Variants in ASTN1 observed in about 807,000 individuals in gnomAD.
The protein encoded by ASTN1 is astrotactin 1.
Under a neutral mutation model 140.7 loss-of-function variants are expected in ASTN1, and 41 were observed. That is an observed-to-expected ratio of 0.29 (90% CI 0.23 to 0.38). The LOEUF (loss-of-function observed/expected upper bound fraction) is 0.38, where lower values mean the gene tolerates loss of function less well. Ranked by LOEUF, ASTN1 falls within the 10% of genes least tolerant of loss-of-function variation. ASTN1 has a pLI of 1.00. For synonymous variants in ASTN1, 640 were observed against 652.2 expected, an observed-to-expected ratio of 0.98 and a Z score of 0.29; for missense variants, 1,479 against 1,678.8, an observed-to-expected ratio of 0.88 and a Z score of 2.08.
intron 1 of ASTN1, among the ~76,000 whole-genome samples, chr1:177,154,571 T>C (rs1442309212): frequency 2.0e-5 from 3 of 152,128 alleles, no homozygotes; most frequent in African/African-American, 7.2e-5. Context: ...TAGTGCTGAG[T>C]GAAAAGAGTA....
chr1:176,933,576 A>G (rs1389668933), intron 16 of ASTN1, among the ~76,000 whole-genome samples: 2 of 152,234 alleles, frequency 1.3e-5, no homozygotes, highest in Admixed American at 6.5e-5. Context: ...CTTGAACTGA[A>G]TACTAACTTG....
chr1:177,060,793 G>A (rs1678044530), intron 2 of ASTN1, among the ~76,000 whole-genome samples: 1 of 152,188 alleles, frequency 6.6e-6, no homozygotes, highest in Non-Finnish European at 1.5e-5. Flanking sequence ...GAGTCACTGT[G>A]CCTGGCTGCC....
intron 1 of ASTN1, among the ~76,000 whole-genome samples, chr1:177,149,154 T>C (rs1682865646): frequency 8.3e-6 from 1 of 120,926 alleles, no homozygotes; most frequent in Non-Finnish European, 1.6e-5. Context: ...AGTGCATATA[T>C]ATAGTGTATA....
At position 177,045,416 on chromosome 1, in the gene ASTN1, C is replaced by T. The variant is rs539828274; in HGVS notation, c.472-12567G>A. Reference sequence around the variant, plus strand: ...GGTTGACAAAACACAAACAGCATTACGTTCACACTATTGGTCAGTTCAGAC... The same window carrying T: ...GGTTGACAAAACACAAACAGCATTATGTTCACACTATTGGTCAGTTCAGAC... On this transcript the variant is annotated intron_variant, in intron 2 of 22. Transcript: ENST00000361833. 6.8e-4 allele frequency among the ~76,000 whole-genome samples: 104 copies of T among 152,292 alleles called. 1 individual carries two copies. The South Asian group carries it at 0.02, about 30-fold the overall frequency.
At chr1:176,979,584 C>G (rs776932383) in intron 8 of ASTN1, among the ~76,000 whole-genome samples, 2 of 152,212 alleles carry the variant, frequency 1.3e-5, no homozygotes, top group Non-Finnish European at 1.5e-5. Flanking sequence ...TCAGTGACTC[C>G]CTTGCCAGAG....
chr1:177,113,178 G>A (rs1680904745), intron 1 of ASTN1, among the ~76,000 whole-genome samples: 1 of 152,074 alleles, frequency 6.6e-6, no homozygotes, highest in South Asian at 2.1e-4. Context: ...AGGCACGGGG[G>A]CAGTCAATTC....
intron 15 of ASTN1, 196 bp downstream of exon 15, chr1:176,936,070 T>C (rs1202660949): frequency 1.5e-6 from 1 of 660,392 alleles, no homozygotes; most frequent in Non-Finnish European, 2.8e-6. Flanking sequence ...ACACATGCAA[T>C]GTAATCTCTA....
chr1:176,864,668 T>G (rs1156482313), intron 22 of ASTN1, 147 bp from the exon 23 acceptor site: 3 of 1,116,058 alleles, frequency 2.7e-6, no homozygotes. Context: ...CTTGGAACAG[T>G]GAGTCCTCCA....
intron 1 of ASTN1, among the ~76,000 whole-genome samples, chr1:177,163,718 T>C (rs1647525826): frequency 6.6e-6 from 1 of 152,178 alleles, no homozygotes; most frequent in South Asian, 2.1e-4. Flanking sequence ...GTATAATATC[T>C]TTAACCAACT....
chr1:176,949,424 C>T, intron 11 of ASTN1, 73 bp from the exon 12 acceptor site: 1 of 1,466,190 alleles, frequency 6.8e-7, no homozygotes, highest in Non-Finnish European at 9.2e-7. Context: ...TGAGTGTAAC[C>T]ACTGACACCA....
At chr1:177,130,519 CG>C (rs1188890378) in intron 1 of ASTN1, among the ~76,000 whole-genome samples, 1 of 152,122 alleles carries the variant, frequency 6.6e-6, no homozygotes, top group African/African-American at 2.4e-5. Context: ...AGAAAAATAC[CG>C]TGCTTCACCT....
At chr1:176,898,773 C>G (rs1227037191) in intron 16 of ASTN1, among the ~76,000 whole-genome samples, 2 of 152,182 alleles carry the variant, frequency 1.3e-5, no homozygotes, top group East Asian at 3.9e-4. Flanking sequence ...CTGCCCACAC[C>G]TATTACAGTT....
intron 8 of ASTN1, among the ~76,000 whole-genome samples, chr1:176,970,648 A>G (rs1486874012): frequency 6.6e-6 from 1 of 152,124 alleles, no homozygotes; most frequent in Non-Finnish European, 1.5e-5. Context: ...AAAGCAAGAA[A>G]GAAGGAAAGT....
At position 176,937,302 on chromosome 1, in the gene ASTN1, T is replaced by C. The variant is rs1369224681; in HGVS notation, c.2378-932A>G. ...TTTACCAGAAGGAACAGTATCAGGGTGACTAAATCATTAAGGGGCAGGAAC... is the reference window on the plus strand; with the variant it reads ...TTTACCAGAAGGAACAGTATCAGGGCGACTAAATCATTAAGGGGCAGGAAC... On this transcript the variant is annotated intron_variant, in intron 14 of 22. Transcript: ENST00000361833. Among the ~76,000 whole-genome samples, 6 of 152,194 alleles carry C rather than the reference T, an allele frequency of 3.9e-5. No homozygotes were observed. The East Asian group carries it at 1.2e-3, about 29-fold the overall frequency.
intron 2 of ASTN1, among the ~76,000 whole-genome samples, chr1:177,040,499 C>T (rs1676923405): frequency 6.6e-6 from 1 of 152,156 alleles, no homozygotes; most frequent in African/African-American, 2.4e-5. Flanking sequence ...AGGATATTCC[C>T]CCAACTCTGT....
At chr1:177,164,303 G>A (rs968879589) in intron 1 of ASTN1, 91 bp downstream of exon 1, 19 of 1,337,680 alleles carry the variant, frequency 1.4e-5, no homozygotes, top group Middle Eastern at 1.9e-4. Context: ...AGGGGAGGTC[G>A]TCGGCGAGTG....
intron 8 of ASTN1, among the ~76,000 whole-genome samples, chr1:176,998,593 A>C (rs1674567229): frequency 6.6e-6 from 1 of 152,174 alleles, no homozygotes; most frequent in African/African-American, 2.4e-5. Context: ...ATCATTACAC[A>C]ACCTCTCAAA....
intron 8 of ASTN1, among the ~76,000 whole-genome samples, chr1:176,997,473 T>C (rs1251201159): frequency 2.0e-5 from 3 of 152,008 alleles, no homozygotes; most frequent in Non-Finnish European, 4.4e-5. Flanking sequence ...AAATAGGGTG[T>C]CTGACACAGA....
At chr1:176,969,951 AG>A (rs1373509271) in intron 8 of ASTN1, among the ~76,000 whole-genome samples, 6 of 152,250 alleles carry the variant, frequency 3.9e-5, no homozygotes, top group Admixed American at 6.5e-5. Context: ...GCAGGAACAT[AG>A]CCTGTGCCAC....
Sources: gnomAD v4.1 joint callset for allele counts (sites outside exome capture counted in the v4.1 genomes callset) on GRCh38, gnomAD v4.1.1 for gene constraint, MANE v1.5 for transcripts, NCBI Gene and HGNC (gene_info 2026-07-23, HGNC 2026-07-21) for gene names.